Variants in ZBED4 observed in about 807,000 individuals in gnomAD.
ZBED4 encodes the protein zinc finger BED-type containing 4.
Under a neutral mutation model 15.5 loss-of-function variants are expected in ZBED4, and 4 were observed. The observed-to-expected ratio is 0.26, with a 90% CI of 0.13 to 0.59. The LOEUF (loss-of-function observed/expected upper bound fraction) is 0.59. Ranked by LOEUF, ZBED4 falls within the 20% of genes least tolerant of loss-of-function variation. ZBED4 has a pLI of 0.90. For synonymous variants in ZBED4, 692 were observed against 608.5 expected (o/e 1.14, Z -2.02); for missense variants, 1,323 against 1,461.8 (o/e 0.91, Z 1.55).
rs2060288282 is a variant in ZBED4, at chr22:49,859,504, G to A, written c.-330+5515G>A. ...TCTGGCCCAGTGTCCCAGGCTCACG[G>A]TGATGTCTTTCCCAGGCCTGCGTCA... On this transcript the variant is annotated intron_variant, in intron 1 of 1. Transcript: ENST00000216268. 2.6e-5 allele frequency among the ~76,000 whole-genome samples: 4 copies of A among 152,054 alleles called. No individual in the cohort carries two copies. The South Asian group carries it at 8.3e-4, about 32-fold the overall frequency.
chr22:49,868,910 G>A (rs1364885448), intron 1 of ZBED4, among the ~76,000 whole-genome samples: 1 of 148,622 alleles, frequency 6.7e-6, no homozygotes, highest in Non-Finnish European at 1.5e-5. Context: ...TTGGGAGTTT[G>A]AGACCAGCCT....
At position 49,888,599 on chromosome 22, in the gene ZBED4, A is replaced by G. The variant is rs1395561339; in HGVS notation, c.*1421A>G. 1 of 167,282 alleles carries G rather than the reference A, an allele frequency of 6.0e-6. No individual in the cohort carries two copies. The highest frequency in any genetic ancestry group is 1.5e-5 in the Non-Finnish European group (1 of 68,136). The allele number at this position is 167,282 out of a possible 1,614,324, so 10.4% of individuals were successfully genotyped here. ...AAGTGGAGATGTAATTCTTACAACA[A>G]CAGTTCTGATCATGGCCATGGTGAT... On this transcript the variant is annotated 3_prime_UTR_variant, in exon 2 of 2. Coordinates refer to ENST00000216268, the MANE Select transcript of ZBED4 (RefSeq NM_014838.3).
chr22:49,869,677 T>C (rs1221439962), intron 1 of ZBED4, among the ~76,000 whole-genome samples: 1 of 152,184 alleles, frequency 6.6e-6, no homozygotes, highest in African/African-American at 2.4e-5. Context: ...GGAAATAATC[T>C]GATATACGTA....
At chr22:49,883,027 GGATGAGGGCATAAATTCTA>G (rs2060417404) in intron 1 of ZBED4, among the ~76,000 whole-genome samples, 1 of 152,192 alleles carries the variant, frequency 6.6e-6, no homozygotes, top group South Asian at 2.1e-4. Context: ...ACTGTTTGAA[GGATGAGGGCATAAATTCTA>G]GATGAGGCAA....
chr22:49,875,447 G>A (rs982984467), intron 1 of ZBED4, among the ~76,000 whole-genome samples: 3 of 148,058 alleles, frequency 2.0e-5, no homozygotes, highest in Admixed American at 6.8e-5. Context: ...TTGAGACGGA[G>A]TCTTGCTCTG....
At position 49,887,623 on chromosome 22, in the gene ZBED4, A is replaced by C. The variant is rs1251762118; in HGVS notation, c.*445A>C. 2.3e-5 allele frequency: 4 copies of C among 172,014 alleles called. No individual in the cohort carries two copies. The highest frequency in any genetic ancestry group is 5.6e-5 in the Non-Finnish European group (4 of 70,844). 10.7% of individuals were successfully genotyped at this position (172,014 alleles called of 1,614,324 possible). The stretch of plus-strand genomic sequence containing the variant: ...AATAGCTTTTGTGGCTATCAAATGA[A>C]ATCTGTAAATAGGAGGTGGAGGGCA... On this transcript the variant is annotated 3_prime_UTR_variant, in exon 2 of 2. Coordinates refer to ENST00000216268, the MANE Select transcript of ZBED4 (RefSeq NM_014838.3).
At chr22:49,858,125 C>T (rs2060282175) in intron 1 of ZBED4, among the ~76,000 whole-genome samples, 1 of 152,146 alleles carries the variant, frequency 6.6e-6, no homozygotes, top group Non-Finnish European at 1.5e-5. Flanking sequence ...TGGTCTCAAA[C>T]TCCTGACCTT....
chr22:49,874,608 C>T (rs552008674), intron 1 of ZBED4, among the ~76,000 whole-genome samples: 21 of 146,486 alleles, frequency 1.4e-4, no homozygotes, highest in Non-Finnish European at 1.9e-4. Flanking sequence ...CTCCTGACCT[C>T]GTGATCCAGC....
At chr22:49,865,883 T>C (rs978504134) in intron 1 of ZBED4, among the ~76,000 whole-genome samples, 4 of 151,286 alleles carry the variant, frequency 2.6e-5, no homozygotes, top group African/African-American at 9.8e-5. Context: ...TTTTTCCCTT[T>C]AATTTTTTGT....
intron 1 of ZBED4, among the ~76,000 whole-genome samples, chr22:49,859,973 G>A (rs1352182029): frequency 1.4e-5 from 2 of 143,626 alleles, no homozygotes; most frequent in Non-Finnish European, 3.0e-5. Flanking sequence ...ACCAGTCTAG[G>A]CAGCATGGCA....
intron 1 of ZBED4, among the ~76,000 whole-genome samples, chr22:49,872,141 C>T (rs528262825): frequency 6.6e-6 from 1 of 152,328 alleles, no homozygotes; most frequent in South Asian, 2.1e-4. Context: ...AGTAGAACTT[C>T]TTTCAAAATT....
chr22:49,857,665 C>T (rs1161959785), intron 1 of ZBED4, among the ~76,000 whole-genome samples: 2 of 152,200 alleles, frequency 1.3e-5, no homozygotes, highest in African/African-American at 4.8e-5. Flanking sequence ...AATCTCGGCT[C>T]ACTGCAACCT....
At chr22:49,858,983 C>T (rs1381286123) in intron 1 of ZBED4, among the ~76,000 whole-genome samples, 2 of 152,026 alleles carry the variant, frequency 1.3e-5, no homozygotes, top group Non-Finnish European at 2.9e-5. Context: ...CCCATGAGGA[C>T]GGATGCGACT....
rs369160246 is a variant in ZBED4, at chr22:49,889,967, GTCTCT to G, written c.*2792_*2796del. ...AGCTCTTTGTATGAGCCTCAGAACT[GTCTCT>G]TCAGTGAATGAAATTACCAGTCATT... On this transcript the variant is annotated 3_prime_UTR_variant, in exon 2 of 2. Transcript: ENST00000216268. 149 of 167,152 alleles carry G rather than the reference GTCTCT, an allele frequency of 8.9e-4. No homozygotes were observed. The highest frequency in any genetic ancestry group is 1.8e-3 in the Non-Finnish European group (121 of 68,108). 10.4% of individuals were successfully genotyped at this position (167,152 alleles called of 1,614,324 possible). A position where few individuals can be genotyped will look rare whatever the true frequency, so the allele number is the denominator to read the frequency against.
intron 1 of ZBED4, among the ~76,000 whole-genome samples, chr22:49,870,306 T>C (rs561015389): frequency 1.3e-4 from 20 of 152,324 alleles, no homozygotes; most frequent in Admixed American, 1.3e-3. Flanking sequence ...CATGGGGTTT[T>C]TTTGTAGAAT....
At chr22:49,870,378 T>C (rs2060340910) in intron 1 of ZBED4, among the ~76,000 whole-genome samples, 1 of 152,216 alleles carries the variant, frequency 6.6e-6, no homozygotes, top group South Asian at 2.1e-4. Context: ...TAGCTCTGTT[T>C]TTAGTTCTTT....
chr22:49,877,258 A>T (rs1274606225), intron 1 of ZBED4, among the ~76,000 whole-genome samples: 1 of 144,662 alleles, frequency 6.9e-6, no homozygotes, highest in Non-Finnish European at 1.5e-5. Context: ...AAACAGCTTT[A>T]TTATTTATTT....
chr22:49,872,677 A>T (rs2147523182), intron 1 of ZBED4, among the ~76,000 whole-genome samples: 1 of 151,682 alleles, frequency 6.6e-6, no homozygotes, highest in East Asian at 1.9e-4. Context: ...CTGCAGGTGT[A>T]TGCCACCAAG....
At chr22:49,881,501 T>C (rs2060409463) in intron 1 of ZBED4, among the ~76,000 whole-genome samples, 1 of 152,218 alleles carries the variant, frequency 6.6e-6, no homozygotes, top group Non-Finnish European at 1.5e-5. Flanking sequence ...TCATGTCTCC[T>C]CAGCCTTCCA....
Sources: allele counts gnomAD v4.1 joint callset (sites outside exome capture counted in the v4.1 genomes callset), GRCh38; gene constraint gnomAD v4.1.1; transcripts MANE v1.5; gene names NCBI Gene and HGNC (gene_info 2026-07-23, HGNC 2026-07-21).